CCPG1: variants seen among roughly 807,000 people sequenced by gnomAD.
The protein encoded by CCPG1 is cell cycle progression 1, also known as cell cycle progression protein 1.
In CCPG1, 46 loss-of-function variants were observed where a neutral mutation model predicts 81.3. The ratio of observed to expected loss-of-function variants is 0.57; its 90% CI spans 0.45 to 0.72. CCPG1 has a LOEUF of 0.72. CCPG1 is among the 30% of genes least tolerant of loss of function. The pLI is 0.00. For missense variants in CCPG1, 902 were observed against 937.6 expected (o/e 0.96, Z 0.50); for synonymous variants, 330 against 305.2 (o/e 1.08, Z -0.85).
intron 1 of CCPG1, among the ~76,000 whole-genome samples, chr15:55,397,709 G>A (rs2057047790): frequency 6.6e-6 from 1 of 152,204 alleles, no homozygotes; most frequent in Non-Finnish European, 1.5e-5. Context: ...GGGCATGGTG[G>A]CTCACACCTG....
chr15:55,378,207 T>C (rs1236793092), intron 4 of CCPG1, 93 bp downstream of exon 4: 5 of 721,802 alleles, frequency 6.9e-6, no homozygotes, highest in Non-Finnish European at 1.1e-5. Context: ...TAATTCAAAA[T>C]AGGAATAGAA....
At chr15:55,380,032 G>C (rs8030676) in intron 3 of CCPG1, among the ~76,000 whole-genome samples, 7 of 149,826 alleles carry the variant, frequency 4.7e-5, no homozygotes, top group African/African-American at 1.5e-4. Context: ...CCCAGGAGGC[G>C]AAGGTTGCAG....
intron 1 of CCPG1, among the ~76,000 whole-genome samples, chr15:55,405,043 G>A (rs1222014624): frequency 6.6e-6 from 1 of 151,960 alleles, no homozygotes; most frequent in East Asian, 1.9e-4. Context: ...CGGCTAACAT[G>A]GCAAAACCCA....
intron 8 of CCPG1, 85 bp downstream of exon 8, chr15:55,359,454 C>G (rs1320984731): frequency 1.3e-6 from 2 of 1,503,242 alleles, no homozygotes; most frequent in African/African-American, 2.8e-5. Flanking sequence ...GGTAACCTTA[C>G]AAGAAACTCA....
chr15:55,407,037 A>ACCCCCCCCCCCCCCCC lies in CCPG1; in HGVS notation c.-10+1183_-10+1184insGGGGGGGGGGGGGGGG, dbSNP rs751198168. On this transcript the variant is annotated intron_variant, in intron 1 of 8. Transcript: ENST00000442196. ...AGACCAGCCTGGCCGACACGTTGAG[A>ACCCCCCCCCCCCCCCC]CCCCCCCCCCCGCCCCGCCGTCTCT... Among the ~76,000 whole-genome samples the ACCCCCCCCCCCCCCCC allele has an allele frequency of 4.4e-5, 5 of 112,696 alleles. 1 individual carries two copies. The highest frequency in any genetic ancestry group is 1.4e-4 in the African/African-American group (3 of 21,884). 73.9% of individuals were successfully genotyped at this position (112,696 alleles called of 152,430 possible). A position where few individuals can be genotyped will look rare whatever the true frequency, so the allele number is the denominator to read the frequency against.
intron 1 of CCPG1, among the ~76,000 whole-genome samples, chr15:55,400,820 A>T (rs2057115192): frequency 6.6e-6 from 1 of 152,184 alleles, no homozygotes; most frequent in South Asian, 2.1e-4. Flanking sequence ...TCTGTGAAGC[A>T]TCTATATTCA....
At chr15:55,357,588 G>A (rs1466244171) in intron 8 of CCPG1, 7 of 226,230 alleles carry the variant, frequency 3.1e-5, no homozygotes, top group South Asian at 1.6e-4. Context: ...AGTGGCTCAC[G>A]ACTGTAATCC....
chr15:55,406,436 C>CTTTTTTTTTT (rs143238270), intron 1 of CCPG1, among the ~76,000 whole-genome samples: 269 of 126,240 alleles, frequency 2.1e-3, no homozygotes, highest in Middle Eastern at 0.014. Flanking sequence ...TTCTTTTTCT[C>CTTTTTTTTTT]TTTTTTTTTT....
chr15:55,385,558 A>AT (rs763577483), intron 3 of CCPG1, 42 bp downstream of exon 3: 5 of 1,003,198 alleles, frequency 5.0e-6, no homozygotes, highest in Middle Eastern at 2.2e-4. Flanking sequence ...TATCACTCAT[A>AT]TATCATATTA....
At position 55,377,134 on chromosome 15, in the gene CCPG1, A is replaced by G; in HGVS notation, c.269T>C (p.Ile90Thr). ...TCCAATATAGATACTGTCTTCGGGTATCTTTTGTTCCTCTGCCTGAAGAAT... is the reference window on the plus strand; with the variant it reads ...TCCAATATAGATACTGTCTTCGGGTGTCTTTTGTTCCTCTGCCTGAAGAAT... ...SSTIEAEEQK[I>T]PEDSIYIGTA... Residue 90 changes from isoleucine to threonine, a missense_variant, in exon 5 of 9, where the codon ATA (isoleucine) becomes ACA (threonine). Ile to Thr is a moderately conservative substitution (Grantham distance 89). This residue lies in a region of CCPG1 where 746 missense variants were observed against 728.6 expected (regional missense o/e 1.02). Transcript: ENST00000442196. 1 of 1,612,422 alleles carries G rather than the reference A, an allele frequency of 6.2e-7. No homozygotes were observed. Among genetic ancestry groups the G allele is most frequent in the South Asian group, 1.1e-5 (1 of 90,980 alleles).
chr15:55,371,929 A>G lies in CCPG1; in HGVS notation c.570T>C (p.Ser190=). 1 of 1,614,234 alleles carries G rather than the reference A, an allele frequency of 6.2e-7. No individual in the cohort carries two copies. The highest frequency in any genetic ancestry group is 8.5e-7 in the Non-Finnish European group (1 of 1,180,040). The part of the protein sequence containing the change: ...ARKKTVSASE[S]EDRLVAEQET... Reference sequence around the variant, plus strand: ...CTTGTTCAGCAACTAGCCGGTCTTCAGATTCTGAAGCAGAAACGGTCTTCT... The same window carrying G: ...CTTGTTCAGCAACTAGCCGGTCTTCGGATTCTGAAGCAGAAACGGTCTTCT... Residue 190 remains serine, a synonymous_variant, in exon 6 of 9, where the codon TCT becomes TCC. Transcript: ENST00000442196.
At chr15:55,359,394 C>T (rs976345688) in intron 8 of CCPG1, 145 bp downstream of exon 8, 30 of 1,412,982 alleles carry the variant, frequency 2.1e-5, no homozygotes, top group Non-Finnish European at 2.6e-5. Flanking sequence ...CTCCATCTTT[C>T]AATTTATTCT....
chr15:55,362,149 A>C (rs2056214489), intron 7 of CCPG1, among the ~76,000 whole-genome samples: 1 of 152,218 alleles, frequency 6.6e-6, no homozygotes, highest in African/African-American at 2.4e-5. Flanking sequence ...AAATCTAACC[A>C]AAAACAGTCA....
At chr15:55,381,258 AC>A (rs2056686999) in intron 3 of CCPG1, among the ~76,000 whole-genome samples, 1 of 150,016 alleles carries the variant, frequency 6.7e-6, no homozygotes. Context: ...ACATGGTGAA[AC>A]CCCCGTCTCT....
chr15:55,371,718 T>C, intron 6 of CCPG1, 75 bp downstream of exon 6: 1 of 1,420,878 alleles, frequency 7.0e-7, no homozygotes, highest in Non-Finnish European at 9.6e-7. Context: ...TGAAAACAGA[T>C]CCCAAGAGTC....
intron 1 of CCPG1, among the ~76,000 whole-genome samples, chr15:55,398,650 C>T (rs549063050): frequency 1.3e-5 from 2 of 151,924 alleles, no homozygotes; most frequent in East Asian, 1.9e-4. Context: ...GGCGCGATCT[C>T]GGCTCACTGC....
rs372361038 is a variant in CCPG1, at chr15:55,359,990, C to T, written c.1783G>A (p.Glu595Lys). The change falls in exon 8 of 9, where the codon GAA becomes AAA. Residue 595 changes from glutamate to lysine, a missense_variant. Physicochemically the swap from Glu to Lys is moderately conservative, Grantham distance 56 (BLOSUM62 1). Coordinates refer to ENST00000442196, the MANE Select transcript of CCPG1 (RefSeq NM_001204450.2). ...GPTMQNDGRK[E>K]KPVHFKEFRK... ...AATTCTTTAAAGTGAACTGGCTTTTCTTTCCTTCCATCATTTTGCATAGTA... is the reference window on the plus strand; with the variant it reads ...AATTCTTTAAAGTGAACTGGCTTTTTTTTCCTTCCATCATTTTGCATAGTA... The T allele has an allele frequency of 3.7e-6, 6 of 1,612,832 alleles. No individual in the cohort carries two copies. Among genetic ancestry groups the T allele is most frequent in the African/African-American group, 1.3e-5 (1 of 74,774 alleles).
intron 3 of CCPG1, among the ~76,000 whole-genome samples, chr15:55,378,960 C>T (rs1044157814): frequency 6.6e-6 from 1 of 151,700 alleles, no homozygotes; most frequent in Non-Finnish European, 1.5e-5. Flanking sequence ...CCTTACATTA[C>T]CAAATTACTT....
intron 1 of CCPG1, among the ~76,000 whole-genome samples, chr15:55,393,343 G>A (rs2141326330): frequency 6.6e-6 from 1 of 152,178 alleles, no homozygotes; most frequent in Middle Eastern, 3.4e-3. Flanking sequence ...GGGAAGCCGA[G>A]GCAGGAGGAT....
Sources: allele counts gnomAD v4.1 joint callset (sites outside exome capture counted in the v4.1 genomes callset), GRCh38; gene constraint gnomAD v4.1.1; regional missense constraint gnomAD v4.1.1; transcripts MANE v1.5; gene names NCBI Gene and HGNC (gene_info 2026-07-23, HGNC 2026-07-21).